Variants in SLC52A3 observed in about 807,000 individuals in gnomAD.
SLC52A3 encodes the protein solute carrier family 52 member 3.
SLC52A3 carries 20 observed loss-of-function variants against 29.5 expected under a neutral mutation model. That is an observed-to-expected ratio of 0.68 (90% CI 0.48 to 0.99). The LOEUF is 0.99. Among genes scored for constraint, SLC52A3 ranks in the 50% least tolerant of loss-of-function variants. The probability of loss-of-function intolerance (pLI) is 0.00; values close to 1 mark genes in which losing one functional copy is unlikely to be tolerated. For missense variants in SLC52A3, 548 were observed against 612.9 expected (o/e 0.89, Z 1.12); for synonymous variants, 301 against 271.0 (o/e 1.11, Z -1.09).
rs537244674 is a variant in SLC52A3, at chr20:765,582, G to A, written c.193C>T (p.Arg65Trp). 19 of 1,586,206 alleles carry A rather than the reference G, an allele frequency of 1.2e-5. No homozygotes were observed. Among genetic ancestry groups the A allele is most frequent in the Middle Eastern group, 1.7e-4 (1 of 6,024 alleles). Residue 65 changes from arginine (R) to tryptophan (W), a missense_variant, in exon 2 of 5, where the codon CGG becomes TGG. Around this residue, in one of 2 missense-constraint regions of SLC52A3, gnomAD observed 375 missense variants for 471.1 expected, o/e 0.80. Transcript: ENST00000645534. This position sits in a 1 kb window ranked among gnomAD's most constrained non-coding sequence, Gnocchi z 6.6. ...GGCACTTCGGAAAGGCAGCTGGGCC[G>A]GAAGTGATGGAGCAGGGTGACCAGG... ...PLLVTLLHHF[R>W]PSCLSEVPII...
chr20:761,403 C>T (rs1414072054), intron 4 of SLC52A3, 165 bp from the exon 5 acceptor site: 4 of 837,962 alleles, frequency 4.8e-6, no homozygotes, highest in Non-Finnish European at 7.2e-6. Flanking sequence ...ATGAGTTGGC[C>T]GCCCGGGGGC....
upstream of SLC52A3, among the ~76,000 whole-genome samples, chr20:777,804 A>G (rs1468551918): frequency 6.6e-6 from 1 of 152,100 alleles, no homozygotes; most frequent in African/African-American, 2.4e-5. Context: ...CCCCCAAAAT[A>G]TGACTCTGGG....
At chr20:776,865 G>GGC (rs1555784962), upstream of SLC52A3, among the ~76,000 whole-genome samples, 15 of 151,026 alleles carry the variant, frequency 9.9e-5, no homozygotes, top group African/African-American at 3.4e-4. Flanking sequence ...TTGGGGGGGG[G>GGC]GCCACAGGAG....
upstream of SLC52A3, among the ~76,000 whole-genome samples, chr20:769,073 G>T (rs1285744410): frequency 1.3e-5 from 2 of 152,228 alleles, no homozygotes; most frequent in Non-Finnish European, 2.9e-5. Flanking sequence ...GAGGGCAGGG[G>T]CTGCTTGGGA....
At chr20:775,268 C>CT (rs57095806) in intron 1 of SLC52A3, among the ~76,000 whole-genome samples, 2,230 of 133,362 alleles carry the variant, frequency 0.017, 52 homozygotes, top group African/African-American at 0.047. Context: ...GGGGCCCAGT[C>CT]TTTTTTTTTT....
intron 1 of SLC52A3, among the ~76,000 whole-genome samples, chr20:774,615 C>T (rs568964928): frequency 6.6e-6 from 1 of 152,140 alleles, no homozygotes; most frequent in Non-Finnish European, 1.5e-5. Flanking sequence ...TGAGAAGCTG[C>T]GGCTGAGAGG....
At chr20:779,477 G>A (rs1388061319), upstream of SLC52A3, among the ~76,000 whole-genome samples, 1 of 152,126 alleles carries the variant, frequency 6.6e-6, no homozygotes, top group African/African-American at 2.4e-5. Flanking sequence ...CAAAAAATTG[G>A]CTGGGCATGG....
upstream of SLC52A3, among the ~76,000 whole-genome samples, chr20:769,973 C>A (rs556958660): frequency 1.3e-5 from 2 of 152,148 alleles, no homozygotes; most frequent in Non-Finnish European, 2.9e-5. Context: ...CATTTCCCAG[C>A]CTTCTTTGTA....
At chr20:764,448 G>GCCCCCACCTAAGGGGAGAAT (rs1986604544) in intron 2 of SLC52A3, among the ~76,000 whole-genome samples, 1 of 152,224 alleles carries the variant, frequency 6.6e-6, no homozygotes, top group Admixed American at 6.5e-5. Flanking sequence ...TAAGAGGAGA[G>GCCCCCACCTAAGGGGAGAAT]CCCCCACCTA....
intron 2 of SLC52A3, among the ~76,000 whole-genome samples, 163 bp from the exon 3 acceptor site, chr20:764,166 C>T (rs149674493): frequency 6.6e-6 from 1 of 152,168 alleles, no homozygotes; most frequent in African/African-American, 2.4e-5. Context: ...ATACTGACTG[C>T]CCACTGAGCA....
intron 4 of SLC52A3, chr20:761,492 G>A (rs2122507698): frequency 4.0e-6 from 3 of 758,742 alleles, no homozygotes; most frequent in Non-Finnish European, 4.3e-6. Context: ...CCCCTGCTGA[G>A]GTACACATGG....
chr20:765,084 C>T lies in SLC52A3; in HGVS notation c.567+124G>A. 9.2e-7 allele frequency: 1 copy of T among 1,083,660 alleles called. No individual in the cohort carries two copies. Among genetic ancestry groups the T allele is most frequent in the Admixed American group, 1.9e-5 (1 of 51,558 alleles). The allele number at this position is 1,083,660 out of a possible 1,614,324, so 67.1% of individuals were successfully genotyped here. On this transcript the variant is annotated intron_variant, in intron 2 of 4. Coordinates refer to ENST00000645534, the MANE Select transcript of SLC52A3 (RefSeq NM_033409.4). The surrounding 1 kb of genome is among the most constrained non-coding windows in gnomAD (Gnocchi z 6.6). ...AAATGAGTTTCCTGCTGTTGATCTG[C>T]CTTATGTCAGTTTAACTCATAGGCC...
chr20:764,227 T>G (rs1986596775), intron 2 of SLC52A3, among the ~76,000 whole-genome samples: 1 of 152,174 alleles, frequency 6.6e-6, no homozygotes, highest in African/African-American at 2.4e-5. Context: ...GGCTGCACAG[T>G]GGGCACCATC....
chr20:776,859 G>C (rs1023192357), upstream of SLC52A3, among the ~76,000 whole-genome samples: 40 of 134,628 alleles, frequency 3.0e-4, no homozygotes, highest in South Asian at 1.5e-3. Context: ...TCGCTTTTGG[G>C]GGGGGGGCCA....
upstream of SLC52A3, among the ~76,000 whole-genome samples, chr20:779,090 T>G (rs1987144552): frequency 6.6e-6 from 1 of 152,194 alleles, no homozygotes; most frequent in Non-Finnish European, 1.5e-5. Flanking sequence ...GGAAGTCTAG[T>G]CTACAGACGT....
chr20:762,217 C>A (rs553925685), intron 3 of SLC52A3, among the ~76,000 whole-genome samples: 109 of 152,312 alleles, frequency 7.2e-4, no homozygotes, highest in African/African-American at 2.5e-3. Context: ...TGTTTACCTG[C>A]TGGCATTTCC....
At chr20:780,012 C>G (rs2122566156), upstream of SLC52A3, among the ~76,000 whole-genome samples, 1 of 152,256 alleles carries the variant, frequency 6.6e-6, no homozygotes, top group South Asian at 2.1e-4. Context: ...CTTTGCTTAC[C>G]ACAGATCAGA....
chr20:772,299 G>C (rs1302595281), upstream of SLC52A3, among the ~76,000 whole-genome samples: 1 of 152,220 alleles, frequency 6.6e-6, no homozygotes, highest in Non-Finnish European at 1.5e-5. Context: ...TTGGCTCCGG[G>C]GGTCTGTTTC....
chr20:762,742 C>T (rs932918169), intron 3 of SLC52A3, among the ~76,000 whole-genome samples: 1 of 152,178 alleles, frequency 6.6e-6, no homozygotes, highest in Non-Finnish European at 1.5e-5. Context: ...TCCTGGCAAG[C>T]TTTCTGTCAA....
Sources: gnomAD v4.1 joint callset for allele counts (sites outside exome capture counted in the v4.1 genomes callset) on GRCh38, gnomAD v4.1.1 for gene constraint, gnomAD v4.1.1 regional missense constraint, Gnocchi (gnomAD v3.1) non-coding constraint, MANE v1.5 for transcripts, NCBI Gene and HGNC (gene_info 2026-07-23, HGNC 2026-07-21) for gene names.